ZNF875: variants seen among roughly 807,000 people sequenced by gnomAD.
The protein encoded by ZNF875 is HKR1, GLI-Kruppel zinc finger family member.
ZNF875 carries 14 observed loss-of-function variants against 11.2 expected under a neutral mutation model. The ratio of observed to expected loss-of-function variants is 1.26; its 90% CI spans 0.83 to 1.96. ZNF875 has a LOEUF of 1.96. ZNF875 is among the 30% of genes most tolerant of loss of function. ZNF875 has a pLI of 0.00. For synonymous variants in ZNF875, 301 were observed against 281.1 expected, an observed-to-expected ratio of 1.07 and a Z score of -0.71; for missense variants, 752 against 760.4, an observed-to-expected ratio of 0.99 and a Z score of 0.13.
intron 4 of ZNF875, among the ~76,000 whole-genome samples, chr19:37,359,998 C>G (rs2039638937): frequency 6.6e-6 from 1 of 152,132 alleles, no homozygotes; most frequent in African/African-American, 2.4e-5. Context: ...GAACTTTATT[C>G]TTAACTCAAG....
Position 37,363,945 on chromosome 19 carries a change from T to A in ZNF875, c.*170T>A. 3.3e-6 allele frequency: 2 copies of A among 601,034 alleles called. No individual in the cohort carries two copies. Among genetic ancestry groups the A allele is most frequent in the South Asian group, 2.2e-5 (1 of 44,576 alleles). The allele number at this position is 601,034 out of a possible 1,614,324, so 37.2% of individuals were successfully genotyped here. On this transcript the variant is annotated 3_prime_UTR_variant, in exon 5 of 5. Transcript: ENST00000392153. ...AGACTGTACTGGTAAGACTTGTATC[T>A]CCATCCACCTGAAGGAGAATTGCTG...
intron 4 of ZNF875, among the ~76,000 whole-genome samples, chr19:37,348,744 C>G (rs1228398989): frequency 6.6e-6 from 1 of 152,102 alleles, no homozygotes; most frequent in Non-Finnish European, 1.5e-5. Flanking sequence ...TGCTGTGAAC[C>G]TTCTCATAGA....
upstream of ZNF875, among the ~76,000 whole-genome samples, chr19:37,331,812 C>T (rs2033443015): frequency 8.1e-6 from 1 of 123,446 alleles, no homozygotes. Context: ...ACACCCCCAG[C>T]CCGACACCCG....
At chr19:37,328,108 T>A (rs6508716) in intron 4 of ZNF875, among the ~76,000 whole-genome samples, 1 of 151,896 alleles carries the variant, frequency 6.6e-6, no homozygotes. Flanking sequence ...GGTGTGGTGG[T>A]GCATGCGTGT....
At chr19:37,352,703 T>C (rs1323361466) in intron 4 of ZNF875, among the ~76,000 whole-genome samples, 7 of 152,132 alleles carry the variant, frequency 4.6e-5, no homozygotes, top group Non-Finnish European at 1.0e-4. Flanking sequence ...TCTCTACGTT[T>C]TGTTGGAGTA....
At chr19:37,331,613 C>G (rs541076190), upstream of ZNF875, among the ~76,000 whole-genome samples, 4 of 147,192 alleles carry the variant, frequency 2.7e-5, no homozygotes, top group Non-Finnish European at 6.0e-5. Flanking sequence ...TAAACAGATG[C>G]TTGAAGGCAG....
rs749688087 is a variant in ZNF875 at position 37,363,766 on chromosome 19, C to G, written c.1914C>G (p.His638Gln). ...KSNLIRHQRTHSG is the reference protein window; with the variant it reads ...KSNLIRHQRTQSG ...ACCTTATCAGACATCAGAGGACACA[C>G]TCAGGATAGAAACTTTATGTGTATA... The change falls in exon 5 of 5, where the codon CAC (histidine) becomes CAG (glutamine). Residue 638 changes from histidine to glutamine, a missense_variant. Coordinates refer to ENST00000392153, the MANE Select transcript of ZNF875 (RefSeq NM_001353803.2). 1.2e-5 allele frequency: 20 copies of G among 1,613,598 alleles called. No homozygotes were observed. Among genetic ancestry groups the G allele is most frequent in the Non-Finnish European group, 1.7e-5 (20 of 1,179,616 alleles).
At chr19:37,350,293 G>C (rs1419863563) in intron 4 of ZNF875, among the ~76,000 whole-genome samples, 1 of 151,434 alleles carries the variant, frequency 6.6e-6, no homozygotes, top group African/African-American at 2.4e-5. Context: ...TGTATTTTTA[G>C]TGTTAGCCAG....
In ZNF875 at chr19:37,364,004, T is replaced by C. The variant is rs1185437481; in HGVS notation, c.*229T>C. ...TCAGGAGCCCTGCCCTTCCTCACTG[T>C]GGATGGTGGGTTGTGGAAACCCGGT... On this transcript the variant is annotated 3_prime_UTR_variant, in exon 5 of 5. Coordinates refer to ENST00000392153, the MANE Select transcript of ZNF875 (RefSeq NM_001353803.2). 5.7e-6 allele frequency: 3 copies of C among 525,864 alleles called. No homozygotes were observed. The highest frequency in any genetic ancestry group is 7.0e-5 in the Admixed American group (2 of 28,760). 32.6% of individuals were successfully genotyped at this position (525,864 alleles called of 1,614,324 possible).
At chr19:37,328,618 C>G (rs1251388486) in intron 4 of ZNF875, 2 of 152,252 alleles carry the variant, frequency 1.3e-5, no homozygotes, top group African/African-American at 4.8e-5. Flanking sequence ...GATGCAGGCC[C>G]CTCACTTTCC....
intron 2 of ZNF875, among the ~76,000 whole-genome samples, chr19:37,335,703 G>A (rs891356411): frequency 6.6e-6 from 1 of 152,158 alleles, no homozygotes; most frequent in African/African-American, 2.4e-5. Context: ...TAGATTTCCT[G>A]GTAGATCACT....
At chr19:37,348,160 T>G (rs1008506946) in intron 4 of ZNF875, among the ~76,000 whole-genome samples, 5 of 152,212 alleles carry the variant, frequency 3.3e-5, no homozygotes, top group African/African-American at 9.6e-5. Flanking sequence ...TCTTAAAAAT[T>G]GCATCTACCC....
At chr19:37,349,494 T>TATATGTTC (rs1190298953) in intron 4 of ZNF875, among the ~76,000 whole-genome samples, 2 of 152,216 alleles carry the variant, frequency 1.3e-5, no homozygotes, top group Non-Finnish European at 2.9e-5. Flanking sequence ...AGCATCTTTT[T>TATATGTTC]ATATGTTCAT....
At chr19:37,346,993 T>A (rs1337818952) in intron 2 of ZNF875, 197 bp from the exon 3 acceptor site, 2 of 560,704 alleles carry the variant, frequency 3.6e-6, no homozygotes, top group Non-Finnish European at 3.2e-6. Context: ...AATTTTGTAT[T>A]TTTAGTAGAG....
intron 2 of ZNF875, among the ~76,000 whole-genome samples, chr19:37,343,649 G>T (rs1679147327): frequency 6.6e-6 from 1 of 152,114 alleles, no homozygotes; most frequent in African/African-American, 2.4e-5. Flanking sequence ...AAGGTTTCTT[G>T]CACAGCGAGA....
intron 4 of ZNF875, among the ~76,000 whole-genome samples, chr19:37,329,435 T>G (rs1214153202): frequency 6.6e-6 from 1 of 152,206 alleles, no homozygotes; most frequent in Non-Finnish European, 1.5e-5. Context: ...TCCCACTAAA[T>G]GGAGAGACTG....
At chr19:37,327,374 A>T (rs1007403362) in intron 4 of ZNF875, among the ~76,000 whole-genome samples, 1 of 152,092 alleles carries the variant, frequency 6.6e-6, no homozygotes. Context: ...ATGTTTTAGG[A>T]TGTAATATCT....
At chr19:37,350,544 C>G (rs1191023218) in intron 4 of ZNF875, among the ~76,000 whole-genome samples, 2 of 152,116 alleles carry the variant, frequency 1.3e-5, no homozygotes, top group Admixed American at 6.5e-5. Flanking sequence ...GACATTGGTA[C>G]AGTACTATTG....
At chr19:37,318,877 G>A (rs2030662913) in intron 1 of ZNF875, among the ~76,000 whole-genome samples, 1 of 152,002 alleles carries the variant, frequency 6.6e-6, no homozygotes, top group Non-Finnish European at 1.5e-5. Context: ...AGTTAGTTTG[G>A]AATTGTTTTA....
Sources: allele counts gnomAD v4.1 joint callset (sites outside exome capture counted in the v4.1 genomes callset), GRCh38; gene constraint gnomAD v4.1.1; transcripts MANE v1.5; gene names NCBI Gene and HGNC (gene_info 2026-07-23, HGNC 2026-07-21).